Variants in MIA2 observed in about 807,000 individuals in gnomAD.
The protein encoded by MIA2 is MIA SH3 domain ER export factor 2.
A neutral mutation model predicts 167.8 loss-of-function variants in MIA2; 127 were observed. The ratio of observed to expected loss-of-function variants is 0.76; its 90% CI spans 0.66 to 0.88. The LOEUF (loss-of-function observed/expected upper bound fraction) is 0.88, where lower values mean the gene tolerates loss of function less well. Among genes scored for constraint, MIA2 ranks in the 40% least tolerant of loss-of-function variants. The probability of loss-of-function intolerance (pLI) is 0.00; values close to 1 mark genes in which losing one functional copy is unlikely to be tolerated. For missense variants in MIA2, 1,690 were observed against 1,624.7 expected, an observed-to-expected ratio of 1.04 and a Z score of -0.69; for synonymous variants, 552 against 541.9, an observed-to-expected ratio of 1.02 and a Z score of -0.26.
chr14:39,264,506 CT>C (rs1001966964), intron 6 of MIA2, among the ~76,000 whole-genome samples: 3 of 151,982 alleles, frequency 2.0e-5, no homozygotes, highest in East Asian at 1.9e-4. Flanking sequence ...TTTAACACTA[CT>C]TTTTTTTCTA....
chr14:39,258,415 G>A (rs754804204), intron 6 of MIA2, among the ~76,000 whole-genome samples: 1 of 152,096 alleles, frequency 6.6e-6, no homozygotes, highest in Non-Finnish European at 1.5e-5. Flanking sequence ...AAGTTCTTAT[G>A]CTGTGTTTTT....
chr14:39,315,587 GT>G, intron 20 of MIA2, 95 bp from the exon 21 acceptor site: 1 of 902,224 alleles, frequency 1.1e-6, no homozygotes, highest in Non-Finnish European at 1.7e-6. Flanking sequence ...GCTTGGGATA[GT>G]TTTGAGTTGT....
At position 39,238,177 on chromosome 14, in the gene MIA2, G is replaced by GTTT. The variant is rs553000757; in HGVS notation, c.249+1132_249+1134dup. On this transcript the variant is annotated intron_variant, in intron 2 of 28. Coordinates refer to ENST00000640607, the MANE Select transcript of MIA2 (RefSeq NM_001329214.4). ...GTAGCTAGGGAAGCTAGGTGTACAA[G>GTTT]TTTTTTTTTTTTATTGAGACAGAGT... Among the ~76,000 whole-genome samples the GTTT allele has an allele frequency of 6.2e-5, 9 of 145,372 alleles. 2 individuals are homozygous for GTTT. Among genetic ancestry groups the GTTT allele is most frequent in the Admixed American group, 1.4e-4 (2 of 14,688 alleles).
At chr14:39,345,768 C>T in intron 25 of MIA2, 136 bp from the exon 26 acceptor site, 2 of 624,952 alleles carry the variant, frequency 3.2e-6, no homozygotes, top group Non-Finnish European at 5.4e-6. Context: ...CTGAAATTGT[C>T]TACTGTTGTC....
At chr14:39,366,385 G>T (rs2074822929) in intron 23 of MIA2, among the ~76,000 whole-genome samples, 1 of 152,186 alleles carries the variant, frequency 6.6e-6, no homozygotes, top group Non-Finnish European at 1.5e-5. Context: ...TGGGCAGTGT[G>T]TGTATCATGA....
At chr14:39,265,895 C>A in intron 6 of MIA2, 1 of 754,220 alleles carries the variant, frequency 1.3e-6, no homozygotes, top group Non-Finnish European at 1.6e-6. Context: ...TATACCTTAA[C>A]AATGGAGAAT....
At chr14:39,234,280 G>T (rs1388188239) in intron 1 of MIA2, 51 bp downstream of exon 1, 2 of 1,201,268 alleles carry the variant, frequency 1.7e-6, no homozygotes, top group African/African-American at 1.5e-5. Context: ...GCTCTGCAAT[G>T]ACATAAAATC....
intron 25 of MIA2, among the ~76,000 whole-genome samples, chr14:39,341,258 C>G (rs1236306258): frequency 6.6e-6 from 1 of 151,910 alleles, no homozygotes; most frequent in Non-Finnish European, 1.5e-5. Context: ...GCTGAGACCG[C>G]ACCGTTGCAC....
intron 3 of MIA2, among the ~76,000 whole-genome samples, chr14:39,242,978 C>T (rs1046563173): frequency 2.6e-5 from 4 of 151,912 alleles, no homozygotes; most frequent in Admixed American, 2.0e-4. Flanking sequence ...CAAAAATTAG[C>T]TGGGTGTGGT....
At chr14:39,260,650 T>G (rs2055057350) in intron 6 of MIA2, among the ~76,000 whole-genome samples, 1 of 152,232 alleles carries the variant, frequency 6.6e-6, no homozygotes, top group African/African-American at 2.4e-5. Flanking sequence ...TCTCCCATTC[T>G]TTAGGTTGCC....
At chr14:39,340,407 A>G (rs185260734) in intron 25 of MIA2, among the ~76,000 whole-genome samples, 2 of 152,234 alleles carry the variant, frequency 1.3e-5, no homozygotes, top group Non-Finnish European at 2.9e-5. Context: ...AGCTAAATTG[A>G]TGAGAACAGT....
intron 6 of MIA2, chr14:39,267,523 G>C: frequency 6.2e-7 from 1 of 1,613,542 alleles, no homozygotes; most frequent in Non-Finnish European, 8.5e-7. Context: ...GCTACGCAGG[G>C]TGAGCCCAGG....
Position 39,266,895 on chromosome 14 carries a change from A to G in MIA2, c.1888-10039A>G, listed in dbSNP as rs971549249. 68 of 702,614 alleles carry G rather than the reference A, an allele frequency of 9.7e-5. 2 individuals carry two copies. Among genetic ancestry groups the G allele is most frequent in the Middle Eastern group, 1.4e-3 (2 of 1,436 alleles). 43.5% of individuals were successfully genotyped at this position (702,614 alleles called of 1,614,324 possible). On this transcript the variant is annotated intron_variant, in intron 6 of 28. Transcript: ENST00000640607. The stretch of plus-strand genomic sequence containing the variant: ...TAGGAGAAGTCTCGCCGCCGCCGCC[A>G]CCGCGGCCGCCCGAGGCGGGTGCCC...
intron 3 of MIA2, among the ~76,000 whole-genome samples, chr14:39,243,234 T>C (rs1349798180): frequency 2.0e-5 from 3 of 152,162 alleles, no homozygotes; most frequent in African/African-American, 4.8e-5. Flanking sequence ...TAAGGAGCTC[T>C]GGAGCTGCAA....
At chr14:39,382,649 A>G (rs1445214468) in intron 23 of MIA2, among the ~76,000 whole-genome samples, 7 of 151,650 alleles carry the variant, frequency 4.6e-5, no homozygotes, top group Non-Finnish European at 1.0e-4. Flanking sequence ...TGTACACAAG[A>G]TAAGGTGAAC....
At chr14:39,267,997 T>C (rs2056306607) in intron 6 of MIA2, among the ~76,000 whole-genome samples, 1 of 142,110 alleles carries the variant, frequency 7.0e-6, no homozygotes, top group South Asian at 2.2e-4. Context: ...TTTTTTTTGG[T>C]AAAGAATGAA....
At chr14:39,290,003 C>G (rs559291128) in intron 9 of MIA2, among the ~76,000 whole-genome samples, 2 of 152,102 alleles carry the variant, frequency 1.3e-5, no homozygotes, top group Non-Finnish European at 2.9e-5. Context: ...TATATTGGGC[C>G]CACCAAAATA....
At chr14:39,302,076 C>A in intron 14 of MIA2, 53 bp from the exon 15 acceptor site, 1 of 1,564,384 alleles carries the variant, frequency 6.4e-7, no homozygotes, top group Non-Finnish European at 8.7e-7. Flanking sequence ...AGTTGTAAAG[C>A]TGTTAGCATA....
chr14:39,268,113 A>C (rs893828473), intron 6 of MIA2, among the ~76,000 whole-genome samples: 1 of 148,714 alleles, frequency 6.7e-6, no homozygotes, highest in African/African-American at 2.5e-5. Flanking sequence ...TTTGTTTTTT[A>C]TTTTTCAGGT....
Sources: allele counts gnomAD v4.1 joint callset (sites outside exome capture counted in the v4.1 genomes callset), GRCh38; gene constraint gnomAD v4.1.1; transcripts MANE v1.5; gene names NCBI Gene and HGNC (gene_info 2026-07-23, HGNC 2026-07-21).